The following TCERG1L variants were observed in gnomAD, a reference collection of about 807,000 sequenced individuals.
TCERG1L encodes the protein transcription elongation regulator 1 like.
TCERG1L carries 37 observed loss-of-function variants against 56.3 expected under a neutral mutation model. That is an observed-to-expected ratio of 0.66 (90% confidence interval 0.51 to 0.87). The LOEUF is 0.87. TCERG1L is among the 40% of genes least tolerant of loss of function. TCERG1L has a pLI of 0.00. For synonymous variants in TCERG1L, 324 were observed against 326.3 expected, an observed-to-expected ratio of 0.99 and a Z score of 0.08; for missense variants, 799 against 774.2, an observed-to-expected ratio of 1.03 and a Z score of -0.38.
intron 4 of TCERG1L, among the ~76,000 whole-genome samples, chr10:131,193,796 T>C (rs972021300): frequency 2.0e-5 from 3 of 152,276 alleles, no homozygotes; most frequent in Admixed American, 2.0e-4. Flanking sequence ...TTTTTCCTTT[T>C]GTTTCAGATT....
intron 4 of TCERG1L, among the ~76,000 whole-genome samples, chr10:131,210,132 T>C (rs1276331772): frequency 6.6e-6 from 1 of 152,230 alleles, no homozygotes; most frequent in Non-Finnish European, 1.5e-5. Flanking sequence ...TTGCAGATTT[T>C]CCAGCATTTT....
Position 131,111,662 on chromosome 10 carries a change from C to CAGAGG in TCERG1L, c.1395+5136_1395+5137insCCTCT, listed in dbSNP as rs1845414775. Among the ~76,000 whole-genome samples, 4 of 142,894 alleles carry CAGAGG rather than the reference C, an allele frequency of 2.8e-5. 1 individual carries two copies. The allele number at this position is 142,894 out of a possible 152,430, so 93.7% of individuals were successfully genotyped here. On this transcript the variant is annotated intron_variant, in intron 9 of 11. Transcript: ENST00000368642. Reference sequence around the variant, plus strand: ...TTGAAATACGGTCACGATTTCCTCGCACAGCCTGACCTTCCCCTCGTCCAC... The same window carrying CAGAGG: ...TTGAAATACGGTCACGATTTCCTCGCAGAGGACAGCCTGACCTTCCCCTCGTCCAC...
At chr10:131,231,020 T>A (rs1361873468) in intron 4 of TCERG1L, among the ~76,000 whole-genome samples, 1 of 150,556 alleles carries the variant, frequency 6.6e-6, no homozygotes, top group Non-Finnish European at 1.5e-5. Flanking sequence ...CCTAGAACTA[T>A]GAAAGACTGA....
At chr10:131,282,108 C>T (rs1206218954) in intron 3 of TCERG1L, among the ~76,000 whole-genome samples, 2 of 138,978 alleles carry the variant, frequency 1.4e-5, no homozygotes, top group Non-Finnish European at 3.0e-5. Flanking sequence ...TGCAGTCTGG[C>T]CTGGGCGAAA....
rs946093096 is a variant in TCERG1L at position 131,304,050 on chromosome 10, T to C, written c.670+4161A>G. The stretch of plus-strand genomic sequence containing the variant: ...TCTCTCCCTGTCTCTCTCTTCATCA[T>C]CTTTGAATGAAGAGAGGTACAGCCA... On this transcript the variant is annotated intron_variant, in intron 3 of 11. Transcript: ENST00000368642. Among the ~76,000 whole-genome samples, 65 of 152,018 alleles carry C rather than the reference T, an allele frequency of 4.3e-4. 1 individual carries two copies. Among genetic ancestry groups the C allele is most frequent in the Admixed American group, 2.0e-4 (3 of 15,282 alleles).
intron 4 of TCERG1L, among the ~76,000 whole-genome samples, chr10:131,180,219 T>C (rs138058000): frequency 2.9e-3 from 448 of 152,146 alleles, no homozygotes; most frequent in Middle Eastern, 6.8e-3. Context: ...GAATGGCAGA[T>C]AGGGATGCAA....
At chr10:131,112,355 C>T (rs1845420273) in intron 9 of TCERG1L, among the ~76,000 whole-genome samples, 1 of 142,828 alleles carries the variant, frequency 7.0e-6, no homozygotes, top group Admixed American at 6.9e-5. Context: ...GATGCCCCAA[C>T]CTACCCCCAG....
chr10:131,282,569 T>G (rs1453233738), intron 3 of TCERG1L, among the ~76,000 whole-genome samples: 1 of 152,212 alleles, frequency 6.6e-6, no homozygotes, highest in African/African-American at 2.4e-5. Flanking sequence ...ACTAAAATGT[T>G]AACAAAATAA....
At chr10:131,269,951 G>A (rs1846323676) in intron 3 of TCERG1L, among the ~76,000 whole-genome samples, 1 of 152,178 alleles carries the variant, frequency 6.6e-6, no homozygotes, top group South Asian at 2.1e-4. Flanking sequence ...GAGAGCCCAC[G>A]GAGCACGGCA....
At chr10:131,290,818 T>A (rs1225262634) in intron 3 of TCERG1L, among the ~76,000 whole-genome samples, 2 of 152,102 alleles carry the variant, frequency 1.3e-5, no homozygotes, top group Non-Finnish European at 1.5e-5. Flanking sequence ...TTTGGCATTA[T>A]GAATAATGTC....
At chr10:131,167,314 A>C (rs980430995) in intron 4 of TCERG1L, among the ~76,000 whole-genome samples, 27 of 152,166 alleles carry the variant, frequency 1.8e-4, no homozygotes, top group African/African-American at 6.5e-4. Flanking sequence ...CAACCCTCAC[A>C]CTCGCAGCCC....
chr10:131,200,154 C>T (rs1237334215), intron 4 of TCERG1L, among the ~76,000 whole-genome samples: 1 of 152,214 alleles, frequency 6.6e-6, no homozygotes. Context: ...AGCCTCTGCC[C>T]CATTCCTGGT....
chr10:131,231,154 T>C (rs1845847449), intron 4 of TCERG1L, among the ~76,000 whole-genome samples: 1 of 152,202 alleles, frequency 6.6e-6, no homozygotes, highest in South Asian at 2.1e-4. Context: ...GAGTGGGTTC[T>C]GAGCAGGCCA....
At chr10:131,278,687 G>C (rs1846420511) in intron 3 of TCERG1L, among the ~76,000 whole-genome samples, 1 of 152,154 alleles carries the variant, frequency 6.6e-6, no homozygotes. Flanking sequence ...TCTCTTCCCT[G>C]CCGCGGAGTC....
intron 8 of TCERG1L, among the ~76,000 whole-genome samples, chr10:131,132,381 T>C (rs952650183): frequency 6.6e-6 from 1 of 152,244 alleles, no homozygotes; most frequent in African/African-American, 2.4e-5. Flanking sequence ...AAGTTGGTTT[T>C]CAGTGACGGA....
Position 131,146,544 on chromosome 10 carries a change from T to G in TCERG1L, c.1151A>C (p.Glu384Ala), listed in dbSNP as rs545027320. ...KDRGDLNRII[E>A]DPPHKRKLEA... Reference sequence around the variant, plus strand: ...CAGCTTGCGTTTGTGGGGCGGGTCCTCAATGATCCTGTTGAGGTCTCCGCG... The same window carrying G: ...CAGCTTGCGTTTGTGGGGCGGGTCCGCAATGATCCTGTTGAGGTCTCCGCG... The change falls in exon 7 of 12, where the codon GAG (glutamate) becomes GCG (alanine). Residue 384 changes from glutamate (E) to alanine (A), a missense_variant. Glu to Ala is a moderately radical substitution (Grantham distance 107). Transcript: ENST00000368642. 1 of 1,613,122 alleles carries G rather than the reference T, an allele frequency of 6.2e-7. No individual in the cohort carries two copies. Among genetic ancestry groups the G allele is most frequent in the African/African-American group, 1.3e-5 (1 of 75,012 alleles).
chr10:131,280,438 G>C (rs1311603850), intron 3 of TCERG1L, among the ~76,000 whole-genome samples: 1 of 151,830 alleles, frequency 6.6e-6, no homozygotes, highest in East Asian at 1.9e-4. Context: ...CTGGAAGCAG[G>C]AGGGGCTTCC....
rs1243301987 is a variant in TCERG1L, at chr10:131,311,261, G to A, written c.342+33C>T. The A allele has an allele frequency of 8.4e-7, 1 of 1,188,438 alleles. No homozygotes were observed. The highest frequency in any genetic ancestry group is 1.0e-6 in the Non-Finnish European group (1 of 959,970). 73.6% of individuals were successfully genotyped at this position (1,188,438 alleles called of 1,614,324 possible). A position where few individuals can be genotyped will look rare whatever the true frequency, so the allele number is the denominator to read the frequency against. On this transcript the variant is annotated intron_variant, in intron 1 of 11. Transcript: ENST00000368642. The surrounding 1 kb of genome is among the most constrained non-coding windows in gnomAD (Gnocchi z 4.0). Reference sequence around the variant, plus strand: ...CGCGCCCAGGAGCAGGGGAGACGGCGACCCGGGCCGAGGCGGGACGGGGAC... The same window carrying A: ...CGCGCCCAGGAGCAGGGGAGACGGCAACCCGGGCCGAGGCGGGACGGGGAC...
At chr10:131,141,743 C>T (rs1279633964) in intron 7 of TCERG1L, among the ~76,000 whole-genome samples, 2 of 151,908 alleles carry the variant, frequency 1.3e-5, no homozygotes, top group African/African-American at 2.4e-5. Flanking sequence ...TAGGTCCTGG[C>T]GGAAACTACT....
Sources: gnomAD v4.1 joint callset for allele counts (sites outside exome capture counted in the v4.1 genomes callset) on GRCh38, gnomAD v4.1.1 for gene constraint, Gnocchi (gnomAD v3.1) non-coding constraint, MANE v1.5 for transcripts, NCBI Gene and HGNC (gene_info 2026-07-23, HGNC 2026-07-21) for gene names.